Variants in SYMPK observed in about 807,000 individuals in gnomAD.
SYMPK encodes the protein symplekin.
SYMPK carries 49 observed loss-of-function variants against 136.4 expected under a neutral mutation model. The ratio of observed to expected loss-of-function variants is 0.36; its 90% CI spans 0.29 to 0.46. SYMPK has a LOEUF of 0.46. Among genes scored for constraint, SYMPK ranks in the 20% least tolerant of loss-of-function variants. The probability of loss-of-function intolerance (pLI) is 1.00; values close to 1 mark genes in which losing one functional copy is unlikely to be tolerated. For missense variants in SYMPK, 1,365 were observed against 1,690.0 expected (o/e 0.81, Z 3.37); for synonymous variants, 766 against 713.0 (o/e 1.07, Z -1.19).
chr19:45,822,114 T>G (rs1600493486), intron 21 of SYMPK, among the ~76,000 whole-genome samples: 2 of 99,984 alleles, frequency 2.0e-5, no homozygotes, highest in African/African-American at 4.0e-5. Flanking sequence ...AAGTTTTGCT[T>G]CTTTTTTTTT....
At position 45,817,404 on chromosome 19, in the gene SYMPK, G is replaced by T. The variant is rs187298922; in HGVS notation, c.3082-430C>A. On this transcript the variant is annotated intron_variant, in intron 23 of 26. Transcript: ENST00000245934. The stretch of plus-strand genomic sequence containing the variant: ...GGCGACATTAGTCCTGCGGGGTTTG[G>T]TTTTTTTGTTCTCTTTTTTTTTTTT... Among the ~76,000 whole-genome samples, 1,361 of 142,262 alleles carry T rather than the reference G, an allele frequency of 9.6e-3. 25 individuals are homozygous for T. Among genetic ancestry groups the T allele is most frequent in the African/African-American group, 0.033 (1,283 of 38,514 alleles). The allele number at this position is 142,262 out of a possible 152,430, so 93.3% of individuals were successfully genotyped here.
intron 10 of SYMPK, among the ~76,000 whole-genome samples, chr19:45,837,168 A>G (rs549131261): frequency 1.3e-5 from 2 of 152,328 alleles, no homozygotes; most frequent in South Asian, 4.1e-4. Flanking sequence ...AAAACAAGCA[A>G]ATATTTTGCA....
At chr19:45,820,908 G>A (rs2146301299) in intron 22 of SYMPK, 2 of 573,196 alleles carry the variant, frequency 3.5e-6, no homozygotes, top group Non-Finnish European at 6.1e-6. Flanking sequence ...TGCTCAGTGA[G>A]TGGGGGCCAT....
At position 45,815,571 on chromosome 19, in the gene SYMPK, C is replaced by T. The variant is rs764114714; in HGVS notation, c.3814G>A (p.Gly1272Arg). 13 of 1,596,238 alleles carry T rather than the reference C, an allele frequency of 8.1e-6. No individual in the cohort carries two copies. The highest frequency in any genetic ancestry group is 2.3e-5 in the East Asian group (1 of 44,036). Residue 1272 changes from glycine to arginine, a missense_variant, in exon 27 of 27, where the codon GGG becomes AGG. By Grantham distance (125) the Gly-to-Arg change is moderately radical. Coordinates refer to ENST00000245934, the MANE Select transcript of SYMPK (RefSeq NM_004819.3). Reference sequence around the variant, plus strand: ...CCCCTCGAGCCCCGTCAGCTGTTCCCCTTGGCCTCGGGTTCCCTGGCGTCC... The same window carrying T: ...CCCCTCGAGCCCCGTCAGCTGTTCCTCTTGGCCTCGGGTTCCCTGGCGTCC... ...AEDAREPEAK[G>R]NS is the part of the protein sequence containing the mutation.
At chr19:45,834,029 T>G (rs1018977196) in intron 11 of SYMPK, among the ~76,000 whole-genome samples, 1 of 152,188 alleles carries the variant, frequency 6.6e-6, no homozygotes, top group African/African-American at 2.4e-5. Context: ...GGCTCACACC[T>G]GTAATCCCAG....
chr19:45,826,747 G>A (rs1233812147), intron 16 of SYMPK, among the ~76,000 whole-genome samples: 1 of 152,218 alleles, frequency 6.6e-6, no homozygotes, highest in Non-Finnish European at 1.5e-5. Flanking sequence ...CAGGAGCCGT[G>A]AGGGAAGGGT....
chr19:45,819,648 C>T (rs1970844042), intron 22 of SYMPK: 1 of 152,242 alleles, frequency 6.6e-6, no homozygotes, highest in Admixed American at 6.5e-5. Flanking sequence ...GACTGTAAGC[C>T]CTGGAAGGAC....
chr19:45,819,330 GACTCC>G (rs1970832945), intron 22 of SYMPK: 1 of 152,384 alleles, frequency 6.6e-6, no homozygotes, highest in Non-Finnish European at 1.5e-5. Flanking sequence ...CGGCCTGCGA[GACTCC>G]TGTGTGGGCA....
At chr19:45,828,402 GT>G (rs1217699832) in intron 14 of SYMPK, 1 of 182,880 alleles carries the variant, frequency 5.5e-6, no homozygotes, top group Non-Finnish European at 1.1e-5. Flanking sequence ...TGTGGCTAAT[GT>G]TCGGGGGGTA....
Position 45,854,391 on chromosome 19 carries a change from C to T in SYMPK, c.105G>A (p.Arg35=). Residue 35 remains arginine (R), a splice_region_variant and synonymous_variant, in exon 2 of 27, where the codon AGG becomes AGA. Transcript: ENST00000245934. ...TCCAAGCCCTACCCGCCACGCTCACCCTCTCTGAGGTGGTCATGCCATCGA... is the reference window on the plus strand; with the variant it reads ...TCCAAGCCCTACCCGCCACGCTCACTCTCTCTGAGGTGGTCATGCCATCGA... The part of the protein sequence containing the change: ...PGIDGMTTSE[R]VVDLLNQAAL... 6.2e-7 allele frequency: 1 copy of T among 1,614,070 alleles called. No homozygotes were observed. The highest frequency in any genetic ancestry group is 1.6e-4 in the Middle Eastern group (1 of 6,062).
In SYMPK at chr19:45,815,863, G is replaced by A; in HGVS notation, c.3675C>T (p.Gly1225=). The A allele has an allele frequency of 1.2e-6, 2 of 1,612,058 alleles. No individual in the cohort carries two copies. Among genetic ancestry groups the A allele is most frequent in the Non-Finnish European group, 1.7e-6 (2 of 1,179,752 alleles). Reference sequence around the variant, plus strand: ...CTGCTCTCCCTACCTTGGGTAGGGGGCCCTCGAGACTAGAGTCCAACAGCG... The same window carrying A: ...CTGCTCTCCCTACCTTGGGTAGGGGACCCTCGAGACTAGAGTCCAACAGCG... ...EAALLDSSLE[G]PLPKETAAGG... Residue 1225 remains glycine (G), a synonymous_variant, in exon 26 of 27, where the codon GGC becomes GGT. Transcript: ENST00000245934.
chr19:45,859,173 A>G (rs1012122685), intron 1 of SYMPK, among the ~76,000 whole-genome samples: 1 of 152,052 alleles, frequency 6.6e-6, no homozygotes, highest in African/African-American at 2.4e-5. Context: ...ATGAGTGAAC[A>G]CTACTGCCAA....
chr19:45,826,365 G>A lies in SYMPK; in HGVS notation c.2190C>T (p.Ser730=). The A allele has an allele frequency of 6.2e-7, 1 of 1,614,114 alleles. No homozygotes were observed. Among genetic ancestry groups the A allele is most frequent in the Non-Finnish European group, 8.5e-7 (1 of 1,180,026 alleles). ...LSSHEKDKVR[S]QALLFIKRMY... is the part of the protein sequence containing the mutation. ...TGCGTTTGATGAACAGCAGGGCCTG[G>A]GAGCGCACCTGAGGAGGAAGATGGA... Residue 730 remains serine (S), a synonymous_variant, in exon 17 of 27, where the codon TCC becomes TCT. Transcript: ENST00000245934.
chr19:45,829,736 A>G (rs1971125836), intron 13 of SYMPK, among the ~76,000 whole-genome samples: 1 of 152,234 alleles, frequency 6.6e-6, no homozygotes, highest in Non-Finnish European at 1.5e-5. Context: ...GCTAAATAGT[A>G]ACAGTAAGAA....
intron 7 of SYMPK, among the ~76,000 whole-genome samples, chr19:45,846,172 C>T (rs2146334325): frequency 6.6e-6 from 1 of 152,282 alleles, no homozygotes; most frequent in African/African-American, 2.4e-5. Flanking sequence ...GGAGGCGGAG[C>T]ATGCAGTGAG....
Position 45,838,707 on chromosome 19 carries a change from T to C in SYMPK, c.1088-92A>G, listed in dbSNP as rs545549495. 437 of 1,389,498 alleles carry C rather than the reference T, an allele frequency of 3.1e-4. 7 individuals are homozygous for C. The South Asian group carries it at 5.8e-3, about 18-fold the overall frequency. The allele number at this position is 1,389,498 out of a possible 1,614,324, so 86.1% of individuals were successfully genotyped here. On this transcript the variant is annotated intron_variant, in intron 9 of 26. Coordinates refer to ENST00000245934, the MANE Select transcript of SYMPK (RefSeq NM_004819.3). The stretch of plus-strand genomic sequence containing the variant: ...GTGCCCGGGTGGTCCCTGCCTCTAG[T>C]CAGCCTCAGCAAACAGGAGCAAACA...
Position 45,845,599 on chromosome 19 carries a change from T to C in SYMPK, c.677-1399A>G, listed in dbSNP as rs368959965. Among the ~76,000 whole-genome samples the C allele has an allele frequency of 7.2e-5, 11 of 152,310 alleles. No homozygotes were observed. In the East Asian group the frequency reaches 1.9e-3, roughly 27 times the overall value. On this transcript the variant is annotated intron_variant, in intron 7 of 26. Coordinates refer to ENST00000245934, the MANE Select transcript of SYMPK (RefSeq NM_004819.3). ...CACATTTTCTTTATCTATTACTCTG[T>C]TGATGAATACTTAGTTTGCTCCGAA...
At chr19:45,839,306 C>G (rs974814675) in intron 9 of SYMPK, among the ~76,000 whole-genome samples, 1 of 152,168 alleles carries the variant, frequency 6.6e-6, no homozygotes, top group African/African-American at 2.4e-5. Context: ...TTAAAGGAAA[C>G]CAGGGTTCCT....
chr19:45,816,760 G>C lies in SYMPK; in HGVS notation c.3258+38C>G, dbSNP rs915036325. 9 of 1,498,982 alleles carry C rather than the reference G, an allele frequency of 6.0e-6. No homozygotes were observed. The Admixed American group carries it at 1.1e-4, about 19-fold the overall frequency. The allele number at this position is 1,498,982 out of a possible 1,614,324, so 92.9% of individuals were successfully genotyped here. On this transcript the variant is annotated intron_variant, in intron 24 of 26. Coordinates refer to ENST00000245934, the MANE Select transcript of SYMPK (RefSeq NM_004819.3). The stretch of plus-strand genomic sequence containing the variant: ...AGGGGGCCGCCCACCGCACACCCTG[G>C]GTGGGGGGAAAGGGTACCTGGTGGG...
Sources: allele counts gnomAD v4.1 joint callset (sites outside exome capture counted in the v4.1 genomes callset), GRCh38; gene constraint gnomAD v4.1.1; transcripts MANE v1.5; gene names NCBI Gene and HGNC (gene_info 2026-07-23, HGNC 2026-07-21).